Variants in JMY observed in about 807,000 individuals in gnomAD.
JMY encodes junction mediating and regulatory protein, p53 cofactor.
Under a neutral mutation model 103.3 loss-of-function variants are expected in JMY, and 46 were observed. That is an observed-to-expected ratio of 0.45 (90% confidence interval 0.35 to 0.57). The LOEUF (loss-of-function observed/expected upper bound fraction) is 0.57. JMY is among the 20% of genes least tolerant of loss of function. The pLI is 0.00. For synonymous variants in JMY, 526 were observed against 489.3 expected (o/e 1.07, Z -0.99); for missense variants, 1,238 against 1,255.2 (o/e 0.99, Z 0.21).
intron 4 of JMY, among the ~76,000 whole-genome samples, chr5:79,295,387 G>A (rs796416362): frequency 1.7e-4 from 26 of 152,332 alleles, no homozygotes; most frequent in African/African-American, 6.3e-4. Context: ...GCTTCAGTGA[G>A]TTCCTTAACC....
Position 79,323,702 on chromosome 5 carries a change from A to G in JMY, c.*2100A>G, listed in dbSNP as rs1382143889. 2.0e-5 allele frequency: 3 copies of G among 152,160 alleles called. No homozygotes were observed. The highest frequency in any genetic ancestry group is 1.9e-4 in the East Asian group (1 of 5,192). 9.4% of individuals were successfully genotyped at this position (152,160 alleles called of 1,614,324 possible). The stretch of plus-strand genomic sequence containing the variant: ...ATTAACCAGAAACCCTGGAACATTC[A>G]TATCTTGAGAGGGAATTTGCTACTC... On this transcript the variant is annotated 3_prime_UTR_variant, in exon 11 of 11. Coordinates refer to ENST00000396137, the MANE Select transcript of JMY (RefSeq NM_152405.5).
chr5:79,275,455 C>T (rs1044849532), intron 1 of JMY, among the ~76,000 whole-genome samples: 12 of 152,208 alleles, frequency 7.9e-5, no homozygotes, highest in African/African-American at 1.9e-4. Flanking sequence ...GCCACCGTGC[C>T]TGGCAAGGGT....
chr5:79,249,075 CTT>C (rs1744998794), intron 1 of JMY, among the ~76,000 whole-genome samples: 5 of 145,648 alleles, frequency 3.4e-5, no homozygotes, highest in East Asian at 2.0e-4. Context: ...TTTTTTCCCT[CTT>C]GTTAGGTGAT....
At chr5:79,258,258 T>C (rs1745307725) in intron 1 of JMY, among the ~76,000 whole-genome samples, 1 of 151,782 alleles carries the variant, frequency 6.6e-6, no homozygotes, top group Non-Finnish European at 1.5e-5. Flanking sequence ...AATAAAAATA[T>C]CAGTTTGGAG....
intron 4 of JMY, among the ~76,000 whole-genome samples, chr5:79,292,123 A>G (rs1746441530): frequency 6.6e-6 from 1 of 152,142 alleles, no homozygotes. Flanking sequence ...TATCCGGGAA[A>G]TTGTTCACAC....
chr5:79,286,330 AT>A (rs571277029), intron 2 of JMY, among the ~76,000 whole-genome samples: 1 of 151,906 alleles, frequency 6.6e-6, no homozygotes, highest in Non-Finnish European at 1.5e-5. Flanking sequence ...TTAAAAAAAA[AT>A]TTTTTTTGCC....
At chr5:79,255,942 C>T (rs1745231147) in intron 1 of JMY, among the ~76,000 whole-genome samples, 1 of 152,222 alleles carries the variant, frequency 6.6e-6, no homozygotes, top group Admixed American at 6.5e-5. Context: ...TGGCTACCGC[C>T]TACGTTCATT....
intron 1 of JMY, among the ~76,000 whole-genome samples, chr5:79,238,805 G>C (rs377149430): frequency 6.6e-6 from 1 of 151,908 alleles, no homozygotes; most frequent in East Asian, 1.9e-4. Flanking sequence ...GCGCCACCAC[G>C]CCCGGCTAAC....
intron 2 of JMY, among the ~76,000 whole-genome samples, chr5:79,288,401 T>C (rs17234643): frequency 0.03 from 4,637 of 152,278 alleles, 87 homozygotes; most frequent in South Asian, 0.062. Context: ...CAAAGCCATC[T>C]GCAGTTAATG....
intron 2 of JMY, among the ~76,000 whole-genome samples, chr5:79,280,872 C>G (rs1356383464): frequency 6.8e-6 from 1 of 146,314 alleles, no homozygotes; most frequent in African/African-American, 2.5e-5. Context: ...TTTTTAACTG[C>G]ATTACTGGTT....
In JMY at chr5:79,322,790, CAG is replaced by C. The variant is rs1160386116; in HGVS notation, c.*1189_*1190del. 1 of 152,176 alleles carries C rather than the reference CAG, an allele frequency of 6.6e-6. No individual in the cohort carries two copies. The highest frequency in any genetic ancestry group is 2.4e-5 in the African/African-American group (1 of 41,442). The allele number at this position is 152,176 out of a possible 1,614,324, so 9.4% of individuals were successfully genotyped here. A position where few individuals can be genotyped will look rare whatever the true frequency, so the allele number is the denominator to read the frequency against. On this transcript the variant is annotated 3_prime_UTR_variant, in exon 11 of 11. Coordinates refer to ENST00000396137, the MANE Select transcript of JMY (RefSeq NM_152405.5). ...TTGAATACATGTAGATCATTGGACTCAGTGTGCAGTACCCTGTACATATAATT... is the reference window on the plus strand; with the variant it reads ...TTGAATACATGTAGATCATTGGACTCTGTGCAGTACCCTGTACATATAATT...
In JMY at chr5:79,242,846, G is replaced by A. The variant is rs193168100; in HGVS notation, c.1032+5164G>A. Among the ~76,000 whole-genome samples, 186 of 150,768 alleles carry A rather than the reference G, an allele frequency of 1.2e-3. 1 individual carries two copies. Among genetic ancestry groups the A allele is most frequent in the African/African-American group, 3.8e-3 (155 of 40,866 alleles). ...TTGCCCAGGCTGGAGTACAATGGCAGTATCTCAGCTCACTGCAACCTCTGC... is the reference window on the plus strand; with the variant it reads ...TTGCCCAGGCTGGAGTACAATGGCAATATCTCAGCTCACTGCAACCTCTGC... On this transcript the variant is annotated intron_variant, in intron 1 of 10. Transcript: ENST00000396137.
chr5:79,291,888 G>A (rs1561307231), intron 4 of JMY, among the ~76,000 whole-genome samples: 1 of 152,154 alleles, frequency 6.6e-6, no homozygotes, highest in Non-Finnish European at 1.5e-5. Flanking sequence ...GCACATTTTA[G>A]TTGCTAGAGA....
At chr5:79,320,793 A>AT (rs1178094223) in intron 10 of JMY, among the ~76,000 whole-genome samples, 2 of 152,226 alleles carry the variant, frequency 1.3e-5, no homozygotes, top group Non-Finnish European at 2.9e-5. Flanking sequence ...CATAATCAAC[A>AT]TTAAAAACTA....
At chr5:79,257,775 T>C (rs1028599466) in intron 1 of JMY, among the ~76,000 whole-genome samples, 3 of 152,112 alleles carry the variant, frequency 2.0e-5, no homozygotes, top group Admixed American at 6.5e-5. Context: ...TATCTTTTTT[T>C]TTTGGAGACG....
chr5:79,281,600 A>G (rs1163170072), intron 2 of JMY, among the ~76,000 whole-genome samples: 1 of 152,166 alleles, frequency 6.6e-6, no homozygotes, highest in Non-Finnish European at 1.5e-5. Context: ...AAAGGAATGA[A>G]CTGATGGACA....
intron 4 of JMY, among the ~76,000 whole-genome samples, chr5:79,292,172 T>C (rs952437033): frequency 2.0e-5 from 3 of 152,230 alleles, no homozygotes; most frequent in Non-Finnish European, 4.4e-5. Context: ...TTCATCCCCA[T>C]CTCATGTTCC....
chr5:79,291,099 T>A, intron 3 of JMY, 31 bp from the exon 4 acceptor site: 1 of 1,471,990 alleles, frequency 6.8e-7, no homozygotes, highest in Non-Finnish European at 9.1e-7. Flanking sequence ...TTGTTATTTG[T>A]CTTAATTTCT....
intron 4 of JMY, among the ~76,000 whole-genome samples, chr5:79,293,249 C>T (rs1350443736): frequency 1.3e-5 from 2 of 151,928 alleles, no homozygotes; most frequent in Non-Finnish European, 2.9e-5. Flanking sequence ...AAGCGTAATA[C>T]CATACTTGAA....
Sources: allele counts gnomAD v4.1 joint callset (sites outside exome capture counted in the v4.1 genomes callset), GRCh38; gene constraint gnomAD v4.1.1; transcripts MANE v1.5; gene names NCBI Gene and HGNC (gene_info 2026-07-23, HGNC 2026-07-21).